Variants in SLC35G2 observed in about 807,000 individuals in gnomAD.
SLC35G2 encodes transmembrane protein 22.
Under a neutral mutation model 27.2 loss-of-function variants are expected in SLC35G2, and 20 were observed. The observed-to-expected ratio is 0.74, with a 90% CI of 0.52 to 1.07. The LOEUF (loss-of-function observed/expected upper bound fraction) is 1.07. Among genes scored for constraint, SLC35G2 ranks in the 50% least tolerant of loss-of-function variants. The pLI is 0.00. For missense variants in SLC35G2, 416 were observed against 493.3 expected, an observed-to-expected ratio of 0.84 and a Z score of 1.48; for synonymous variants, 148 against 165.3, an observed-to-expected ratio of 0.90 and a Z score of 0.80.
At chr3:136,853,711 T>TC (rs572066818) in intron 1 of SLC35G2, among the ~76,000 whole-genome samples, 2 of 152,106 alleles carry the variant, frequency 1.3e-5, no homozygotes, top group African/African-American at 2.4e-5. Context: ...GTATTCTTAT[T>TC]CCCCCCCTTT....
intron 1 of SLC35G2, among the ~76,000 whole-genome samples, chr3:136,843,827 A>T (rs537869238): frequency 1.4e-5 from 2 of 143,810 alleles, no homozygotes; most frequent in East Asian, 4.2e-4. Context: ...CCAGCTACTG[A>T]GGAAGCTGAG....
intron 1 of SLC35G2, among the ~76,000 whole-genome samples, chr3:136,828,753 T>C (rs1226872953): frequency 6.6e-6 from 1 of 152,202 alleles, no homozygotes; most frequent in Non-Finnish European, 1.5e-5. Context: ...TATCAATAAG[T>C]AAGGACTTCT....
chr3:136,824,494 GT>G (rs1390515760), intron 1 of SLC35G2, among the ~76,000 whole-genome samples: 1 of 152,114 alleles, frequency 6.6e-6, no homozygotes, highest in Non-Finnish European at 1.5e-5. Context: ...TTGTAAATGG[GT>G]TACTTTTTTG....
chr3:136,846,422 T>A (rs1937381330), intron 1 of SLC35G2: 1 of 152,232 alleles, frequency 6.6e-6, no homozygotes, highest in East Asian at 1.9e-4. Flanking sequence ...GTGGAAACAT[T>A]TGTAGCTAAG....
chr3:136,855,420 T>C lies in SLC35G2; in HGVS notation c.960T>C (p.Tyr320=), dbSNP rs995683334. 5.6e-6 allele frequency: 9 copies of C among 1,614,078 alleles called. No homozygotes were observed. In the African/African-American group the frequency reaches 8.0e-5, roughly 14 times the overall value. ...CATTAGATGGAGAAACCTGGAGTTA[T>C]CTCATTGCTATATGTGTCTGTTCTA... The part of the protein sequence containing the change: ...IIPLDGETWS[Y]LIAICVCSTA... Residue 320 remains tyrosine, a synonymous_variant, in exon 2 of 2, where the codon TAT becomes TAC. Coordinates refer to ENST00000446465, the MANE Select transcript of SLC35G2 (RefSeq NM_025246.3).
intron 1 of SLC35G2, among the ~76,000 whole-genome samples, chr3:136,825,486 G>GC (rs111344111): frequency 5.8e-4 from 88 of 151,936 alleles, no homozygotes; most frequent in African/African-American, 1.9e-3. Context: ...CAAGTGACCC[G>GC]CCCCCTCAGC....
intron 1 of SLC35G2, chr3:136,838,061 C>G (rs1164392306): frequency 2.0e-5 from 3 of 151,896 alleles, no homozygotes; most frequent in Non-Finnish European, 4.4e-5. Flanking sequence ...CCAGGCTGGT[C>G]TCAAATCTCC....
chr3:136,854,415 CT>C, intron 1 of SLC35G2, 27 bp from the exon 2 acceptor site: 2 of 1,420,316 alleles, frequency 1.4e-6, no homozygotes, highest in Non-Finnish European at 1.9e-6. Context: ...AAATGAATGT[CT>C]TTTTGTCAAT....
intron 1 of SLC35G2, among the ~76,000 whole-genome samples, chr3:136,829,996 G>A (rs906856595): frequency 1.3e-5 from 2 of 151,512 alleles, no homozygotes; most frequent in African/African-American, 4.9e-5. Context: ...TTATTTCTTT[G>A]AATAAACTTT....
At chr3:136,827,489 TCTA>T (rs1209416851) in intron 1 of SLC35G2, among the ~76,000 whole-genome samples, 1 of 152,176 alleles carries the variant, frequency 6.6e-6, no homozygotes, top group Admixed American at 6.6e-5. Flanking sequence ...GCTGGCCTCT[TCTA>T]CTAATTTTGG....
intron 1 of SLC35G2, among the ~76,000 whole-genome samples, chr3:136,823,241 C>T (rs1236811223): frequency 6.6e-6 from 1 of 152,120 alleles, no homozygotes; most frequent in African/African-American, 2.4e-5. Flanking sequence ...ATCTTTTGCC[C>T]ATTTAAAAAT....
chr3:136,840,102 AC>A (rs1371976772), intron 1 of SLC35G2, among the ~76,000 whole-genome samples: 3 of 152,186 alleles, frequency 2.0e-5, no homozygotes, highest in Non-Finnish European at 4.4e-5. Flanking sequence ...TCCTAGTCCA[AC>A]TAAGCAGCCT....
At chr3:136,825,846 A>AT (rs1936570465) in intron 1 of SLC35G2, among the ~76,000 whole-genome samples, 1 of 152,100 alleles carries the variant, frequency 6.6e-6, no homozygotes, top group African/African-American at 2.4e-5. Flanking sequence ...CATTAGAGAT[A>AT]TTGGCCTGTA....
In SLC35G2 at chr3:136,843,706, G is replaced by A. The variant is rs932608625; in HGVS notation, c.-18-10737G>A. On this transcript the variant is annotated intron_variant, in intron 1 of 1. Transcript: ENST00000446465. Reference sequence around the variant, plus strand: ...CCAGCACTTTGGGAGGCCAAGGCGGGAGGATCACCTGAGGTCACAAGTTCG... The same window carrying A: ...CCAGCACTTTGGGAGGCCAAGGCGGAAGGATCACCTGAGGTCACAAGTTCG... Among the ~76,000 whole-genome samples the A allele has an allele frequency of 3.3e-5, 5 of 152,054 alleles. No individual in the cohort carries two copies. The East Asian group carries it at 9.6e-4, about 29-fold the overall frequency.
chr3:136,824,538 T>A (rs755527565), intron 1 of SLC35G2, among the ~76,000 whole-genome samples: 1 of 152,220 alleles, frequency 6.6e-6, no homozygotes, highest in Non-Finnish European at 1.5e-5. Flanking sequence ...TGTTGGCATA[T>A]AGAAATGCTG....
At chr3:136,841,774 A>AATAG (rs1553785613) in intron 1 of SLC35G2, 3 of 150,226 alleles carry the variant, frequency 2.0e-5, no homozygotes, top group Non-Finnish European at 3.0e-5. Flanking sequence ...TAAATAAATA[A>AATAG]ATATCAGAGT....
chr3:136,854,553 C>T lies in SLC35G2; in HGVS notation c.93C>T (p.Pro31=), dbSNP rs1489294872. 6.2e-7 allele frequency: 1 copy of T among 1,611,504 alleles called. No individual in the cohort carries two copies. The highest frequency in any genetic ancestry group is 8.5e-7 in the Non-Finnish European group (1 of 1,179,434). Residue 31 remains proline (P), a synonymous_variant, in exon 2 of 2, where the codon CCC becomes CCT. Coordinates refer to ENST00000446465, the MANE Select transcript of SLC35G2 (RefSeq NM_025246.3). ...TVMVKYTSHY[P]QPGDDGYEEI... ...TGGTGAAATATACTTCTCATTATCC[C>T]CAGCCTGGCGATGATGGATATGAAG...
chr3:136,855,283 T>G lies in SLC35G2; in HGVS notation c.823T>G (p.Tyr275Asp), dbSNP rs143121117. ...GACCACTGCTCTCTCAATGATAGTA[T>G]ACAGATCCATCAAGGAGAAGATCAG... is the stretch of plus-strand genomic sequence containing the variant. ...GLTTALSMIV[Y>D]RSIKEKISMW... The change falls in exon 2 of 2, where the codon TAC becomes GAC. Residue 275 changes from tyrosine (Y) to aspartate (D), a missense_variant. Physicochemically the swap from Tyr to Asp is radical, Grantham distance 160. Coordinates refer to ENST00000446465, the MANE Select transcript of SLC35G2 (RefSeq NM_025246.3). 6 of 1,614,092 alleles carry G rather than the reference T, an allele frequency of 3.7e-6. No individual in the cohort carries two copies. The Admixed American group carries it at 1.0e-4, about 27-fold the overall frequency.
intron 1 of SLC35G2, chr3:136,838,274 TATATATATAA>T (rs1173134938): frequency 1.0e-3 from 73 of 70,152 alleles, no homozygotes; most frequent in African/African-American, 2.0e-3. Flanking sequence ...TATATATATA[TATATATATAA>T]ATGCACACAC....
Sources: allele counts gnomAD v4.1 joint callset (sites outside exome capture counted in the v4.1 genomes callset), GRCh38; gene constraint gnomAD v4.1.1; transcripts MANE v1.5; gene names NCBI Gene and HGNC (gene_info 2026-07-23, HGNC 2026-07-21).